Variants in CDC42BPA observed in about 807,000 individuals in gnomAD.
CDC42BPA encodes serine/threonine-protein kinase MRCK alpha.
CDC42BPA carries 80 observed loss-of-function variants against 223.5 expected under a neutral mutation model. The observed-to-expected ratio is 0.36, with a 90% CI of 0.30 to 0.43. The LOEUF (loss-of-function observed/expected upper bound fraction) is 0.43, where lower values mean the gene tolerates loss of function less well. CDC42BPA is among the 20% of genes least tolerant of loss of function. CDC42BPA has a pLI of 1.00. For missense variants in CDC42BPA, 1,743 were observed against 2,099.9 expected, an observed-to-expected ratio of 0.83 and a Z score of 3.32; for synonymous variants, 694 against 718.6, an observed-to-expected ratio of 0.97 and a Z score of 0.55.
At chr1:227,119,090 T>C (rs758951322) in intron 12 of CDC42BPA, among the ~76,000 whole-genome samples, 4 of 152,124 alleles carry the variant, frequency 2.6e-5, no homozygotes, top group Non-Finnish European at 2.9e-5. Flanking sequence ...TATTACATCA[T>C]TGAATACAAC....
chr1:227,275,534 GA>G (rs71180724), intron 1 of CDC42BPA, among the ~76,000 whole-genome samples: 94,331 of 150,510 alleles, frequency 0.63, 29,746 homozygotes, highest in East Asian at 0.74. Context: ...AGGAGTGCTG[GA>G]AAAAAAGACA....
intron 9 of CDC42BPA, among the ~76,000 whole-genome samples, chr1:227,141,383 G>A (rs1659635757): frequency 6.6e-6 from 1 of 152,186 alleles, no homozygotes. Context: ...GAAATGATCT[G>A]ATGATGCAGA....
In CDC42BPA at chr1:227,317,684, G is replaced by C. The variant is rs902411283; in HGVS notation, c.-502C>G. The C allele has an allele frequency of 5.0e-6, 2 of 398,396 alleles. No individual in the cohort carries two copies. The highest frequency in any genetic ancestry group is 4.1e-5 in the African/African-American group (2 of 48,584). The allele number at this position is 398,396 out of a possible 1,614,324, so 24.7% of individuals were successfully genotyped here. A position where few individuals can be genotyped will look rare whatever the true frequency, so the allele number is the denominator to read the frequency against. On this transcript the variant is annotated 5_prime_UTR_variant, in exon 1 of 37. Coordinates refer to ENST00000366766, the MANE Select transcript of CDC42BPA (RefSeq NM_001394014.1). ...GGAAAAAAACAGAATGCATAGAAGG[G>C]GGAGGGAAAACCAAAAATGTTGCTG... is the stretch of plus-strand genomic sequence containing the variant.
In CDC42BPA at chr1:227,019,028, A is replaced by G. The variant is rs2148526143; in HGVS notation, c.4616-1978T>C. On this transcript the variant is annotated intron_variant, in intron 32 of 36. Transcript: ENST00000366766. ...AAGTGAGACATCAATAAAGTTTGCC[A>G]CACTAACTCCTCCTTTCACAAAAGA... is the stretch of plus-strand genomic sequence containing the variant. Among the ~76,000 whole-genome samples the G allele has an allele frequency of 1.3e-5, 2 of 152,322 alleles. 1 individual carries two copies. The highest frequency in any genetic ancestry group is 6.8e-3 in the Middle Eastern group (2 of 294).
rs1669822097 is a variant in CDC42BPA at position 227,034,147 on chromosome 1, G to A, written c.3476+508C>T. 2.0e-5 allele frequency among the ~76,000 whole-genome samples: 3 copies of A among 152,172 alleles called. No individual in the cohort carries two copies. The South Asian group carries it at 6.2e-4, about 31-fold the overall frequency. On this transcript the variant is annotated intron_variant, in intron 26 of 36. Transcript: ENST00000366766. ...ATGCAGAGGAGATGGCTGAAGCTGT[G>A]AGTAAATATGATCACTCAAGGATAG... is the stretch of plus-strand genomic sequence containing the variant.
chr1:227,301,246 T>C (rs563515480), intron 1 of CDC42BPA, among the ~76,000 whole-genome samples: 116 of 152,324 alleles, frequency 7.6e-4, no homozygotes, highest in African/African-American at 2.7e-3. Flanking sequence ...TAACACAAAT[T>C]TCCCATTCCC....
At chr1:227,026,792 C>A (rs1179602872) in intron 30 of CDC42BPA, among the ~76,000 whole-genome samples, 1 of 152,140 alleles carries the variant, frequency 6.6e-6, no homozygotes, top group African/African-American at 2.4e-5. Flanking sequence ...AGCATTTATT[C>A]CACTGATGAG....
At chr1:227,278,156 C>T (rs1213089857) in intron 1 of CDC42BPA, among the ~76,000 whole-genome samples, 1 of 152,236 alleles carries the variant, frequency 6.6e-6, no homozygotes, top group Non-Finnish European at 1.5e-5. Context: ...CACTACACTA[C>T]AGCAGTGGTT....
intron 5 of CDC42BPA, chr1:227,183,249 T>G (rs1241320057): frequency 3.9e-5 from 6 of 152,222 alleles, no homozygotes; most frequent in Non-Finnish European, 5.9e-5. Flanking sequence ...GTGTATAGAT[T>G]CATGTAACTA....
At chr1:227,309,180 A>G (rs2148805067) in intron 1 of CDC42BPA, among the ~76,000 whole-genome samples, 1 of 150,788 alleles carries the variant, frequency 6.6e-6, no homozygotes, top group Middle Eastern at 3.4e-3. Context: ...AGCGTGGACA[A>G]CATAGTGAGA....
chr1:227,200,154 G>A (rs537118512), intron 3 of CDC42BPA, among the ~76,000 whole-genome samples: 2 of 152,268 alleles, frequency 1.3e-5, no homozygotes, highest in South Asian at 4.1e-4. Context: ...TCATGGGCCG[G>A]GCGCAGTGGC....
intron 1 of CDC42BPA, among the ~76,000 whole-genome samples, chr1:227,292,258 G>C (rs1689825868): frequency 6.6e-6 from 1 of 152,134 alleles, no homozygotes; most frequent in African/African-American, 2.4e-5. Flanking sequence ...TGGGATTACA[G>C]GCGTGAGCCA....
chr1:227,095,948 C>T (rs1328621264), intron 15 of CDC42BPA, among the ~76,000 whole-genome samples: 1 of 152,140 alleles, frequency 6.6e-6, no homozygotes, highest in African/African-American at 2.4e-5. Flanking sequence ...ATATCTACAG[C>T]AATTTGATGG....
chr1:227,297,462 G>C (rs576506407), intron 1 of CDC42BPA, among the ~76,000 whole-genome samples: 1 of 152,072 alleles, frequency 6.6e-6, no homozygotes, highest in Non-Finnish European at 1.5e-5. Flanking sequence ...TAAAAATAGG[G>C]ACTCAAACAG....
chr1:227,297,987 T>C lies in CDC42BPA; in HGVS notation c.178+19018A>G, dbSNP rs1312474098. Among the ~76,000 whole-genome samples the C allele has an allele frequency of 5.2e-3, 551 of 106,860 alleles. 4 individuals are homozygous for C. Among genetic ancestry groups the C allele is most frequent in the African/African-American group, 0.019 (515 of 27,830 alleles). 70.1% of individuals were successfully genotyped at this position (106,860 alleles called of 152,430 possible). ...ACATATACACACACACACACATATATACATATATATACATATATATACATA... is the reference window on the plus strand; with the variant it reads ...ACATATACACACACACACACATATACACATATATATACATATATATACATA... On this transcript the variant is annotated intron_variant, in intron 1 of 36. Transcript: ENST00000366766.
At chr1:227,196,800 T>C (rs1670835081) in intron 4 of CDC42BPA, among the ~76,000 whole-genome samples, 1 of 152,192 alleles carries the variant, frequency 6.6e-6, no homozygotes, top group Non-Finnish European at 1.5e-5. Flanking sequence ...GTGCAAGATA[T>C]TTTCCTTTTT....
intron 1 of CDC42BPA, among the ~76,000 whole-genome samples, chr1:227,263,770 C>T (rs544501267): frequency 9.4e-4 from 143 of 151,914 alleles, no homozygotes; most frequent in South Asian, 8.7e-3. Flanking sequence ...TTAGTAGAGA[C>T]GGGGTTTCAC....
rs555455666 is a variant in CDC42BPA, at chr1:226,994,285, C to T, written c.5248G>A (p.Gly1750Arg). Residue 1750 changes from glycine (G) to arginine (R), a missense_variant, in exon 37 of 37, where the codon GGG becomes AGG. By Grantham distance (125) the Gly-to-Arg change is moderately radical (BLOSUM62 -2). Transcript: ENST00000366766. The surrounding 1 kb of genome is among the most constrained non-coding windows in gnomAD (Gnocchi z 4.0). ...GAGGCAGCTCACGGGTCCCAGCTCC[C>T]GCGGTCAGTGCTCTCCAGGGAGAGG... is the stretch of plus-strand genomic sequence containing the variant. The part of the protein sequence containing the change: ...KSLSLESTDR[G>R]SWDP 29 of 1,585,638 alleles carry T rather than the reference C, an allele frequency of 1.8e-5. No homozygotes were observed. The highest frequency in any genetic ancestry group is 2.7e-5 in the African/African-American group (2 of 74,372).
chr1:227,280,727 T>C (rs908301887), intron 1 of CDC42BPA, among the ~76,000 whole-genome samples: 2 of 152,228 alleles, frequency 1.3e-5, no homozygotes, highest in Admixed American at 1.3e-4. Flanking sequence ...CTGATCTTAA[T>C]TGACTCTCCG....
Sources: allele counts gnomAD v4.1 joint callset (sites outside exome capture counted in the v4.1 genomes callset), GRCh38; gene constraint gnomAD v4.1.1; non-coding constraint Gnocchi (gnomAD v3.1); transcripts MANE v1.5; gene names NCBI Gene and HGNC (gene_info 2026-07-23, HGNC 2026-07-21).